LRBA: variants seen among roughly 807,000 people sequenced by gnomAD.
LRBA encodes lipopolysaccharide-responsive and beige-like anchor protein.
A neutral mutation model predicts 330.0 loss-of-function variants in LRBA; 176 were observed. That is an observed-to-expected ratio of 0.53 (90% confidence interval 0.47 to 0.60). LRBA has a LOEUF of 0.60. Among genes scored for constraint, LRBA ranks in the 20% least tolerant of loss-of-function variants. LRBA has a pLI of 0.00. For missense variants in LRBA, 3,259 were observed against 3,444.8 expected (o/e 0.95, Z 1.35); for synonymous variants, 1,230 against 1,193.0 (o/e 1.03, Z -0.64).
intron 33 of LRBA, among the ~76,000 whole-genome samples, chr4:150,803,985 T>C (rs537803851): frequency 6.6e-6 from 1 of 152,242 alleles, no homozygotes; most frequent in South Asian, 2.1e-4. Context: ...CTTGCAATAC[T>C]GAGAGGCTGT....
At chr4:150,396,584 A>G (rs1202578216) in intron 47 of LRBA, among the ~76,000 whole-genome samples, 1 of 152,122 alleles carries the variant, frequency 6.6e-6, no homozygotes, top group Non-Finnish European at 1.5e-5. Context: ...AAAATTAACC[A>G]TAATAGTAGT....
intron 22 of LRBA, among the ~76,000 whole-genome samples, chr4:150,856,922 T>C (rs1315024511): frequency 2.0e-5 from 3 of 152,150 alleles, no homozygotes; most frequent in East Asian, 3.8e-4. Flanking sequence ...TTCAACTTAA[T>C]TGGCACTCAA....
At chr4:150,282,208 CCTCTT>C (rs1441266186) in intron 55 of LRBA, among the ~76,000 whole-genome samples, 1 of 152,230 alleles carries the variant, frequency 6.6e-6, no homozygotes, top group East Asian at 1.9e-4. Context: ...CCTAAGAAAA[CCTCTT>C]CTATTGAAGG....
intron 40 of LRBA, among the ~76,000 whole-genome samples, chr4:150,493,347 T>C (rs758077688): frequency 6.6e-6 from 1 of 152,196 alleles, no homozygotes; most frequent in Non-Finnish European, 1.5e-5. Flanking sequence ...AATACTAGAA[T>C]CTAAGTTCTG....
chr4:150,806,838 T>C lies in LRBA; in HGVS notation c.5385-434A>G, dbSNP rs186660107. Among the ~76,000 whole-genome samples the C allele has an allele frequency of 1.4e-3, 207 of 152,124 alleles. 4 individuals carry two copies. The highest frequency in any genetic ancestry group is 0.013 in the Admixed American group (203 of 15,282). On this transcript the variant is annotated intron_variant, in intron 32 of 56. Coordinates refer to ENST00000651943, the MANE Select transcript of LRBA (RefSeq NM_001364905.1). ...GCATATAGTATAGACTCAACAGACG[T>C]TGAGTGCTTATAAATTATAAAAAGC...
intron 42 of LRBA, among the ~76,000 whole-genome samples, chr4:150,483,815 C>T (rs569134987): frequency 6.6e-6 from 1 of 152,174 alleles, no homozygotes; most frequent in East Asian, 1.9e-4. Context: ...TTCTCCAAAA[C>T]AGTTTTATAG....
chr4:150,526,638 A>T lies in LRBA; in HGVS notation c.6331-35603T>A, dbSNP rs139324264. On this transcript the variant is annotated intron_variant, in intron 40 of 56. Coordinates refer to ENST00000651943, the MANE Select transcript of LRBA (RefSeq NM_001364905.1). ...ACTAGTATAATGAAACCTTTATATT[A>T]ATCTATGAAACAATTTCAATAATTA... Among the ~76,000 whole-genome samples the T allele has an allele frequency of 5.9e-4, 90 of 152,312 alleles. 1 individual carries two copies. Among genetic ancestry groups the T allele is most frequent in the Non-Finnish European group, 1.1e-3 (75 of 67,998 alleles).
intron 40 of LRBA, among the ~76,000 whole-genome samples, chr4:150,552,554 G>A (rs1252703250): frequency 3.9e-5 from 6 of 152,130 alleles, no homozygotes; most frequent in South Asian, 2.1e-4. Flanking sequence ...TGGTGGGAGT[G>A]TGAACTAGTT....
chr4:150,517,370 A>T (rs1762460405), intron 40 of LRBA, among the ~76,000 whole-genome samples: 1 of 152,060 alleles, frequency 6.6e-6, no homozygotes, highest in Non-Finnish European at 1.5e-5. Flanking sequence ...AAAATACAAA[A>T]ATTAGCCAGG....
chr4:150,832,216 G>T lies in LRBA; in HGVS notation c.4570-240C>A, dbSNP rs191945721. On this transcript the variant is annotated intron_variant, in intron 28 of 56. Transcript: ENST00000651943. ...ACTTGCAAAACATGGAAAGAGAGAA[G>T]TTAGCTCATTTTTTTAAATTATTCA... Among the ~76,000 whole-genome samples, 497 of 152,008 alleles carry T rather than the reference G, an allele frequency of 3.3e-3. 2 individuals carry two copies. The highest frequency in any genetic ancestry group is 4.8e-3 in the Non-Finnish European group (327 of 67,952).
At position 150,752,073 on chromosome 4, in the gene LRBA, T is replaced by A. The variant is rs144140035; in HGVS notation, c.5645+9710A>T. Among the ~76,000 whole-genome samples, 633 of 152,308 alleles carry A rather than the reference T, an allele frequency of 4.2e-3. 4 individuals carry two copies. Among genetic ancestry groups the A allele is most frequent in the African/African-American group, 0.014 (570 of 41,586 alleles). Reference sequence around the variant, plus strand: ...AGAATGTGGAAATAATGTTCCTGAATTGGCAATCCTTCTAAATATAGTAAT... The same window carrying A: ...AGAATGTGGAAATAATGTTCCTGAAATGGCAATCCTTCTAAATATAGTAAT... On this transcript the variant is annotated intron_variant, in intron 35 of 56. Transcript: ENST00000651943.
At chr4:150,958,586 T>C (rs570867376) in intron 2 of LRBA, among the ~76,000 whole-genome samples, 1 of 149,498 alleles carries the variant, frequency 6.7e-6, no homozygotes, top group African/African-American at 2.6e-5. Flanking sequence ...CTTGAATTTC[T>C]CCTCAGAAAA....
intron 49 of LRBA, among the ~76,000 whole-genome samples, chr4:150,322,607 T>A (rs185034283): frequency 3.9e-5 from 6 of 152,326 alleles, no homozygotes; most frequent in African/African-American, 1.4e-4. Flanking sequence ...TCAGTCCTTT[T>A]AAAAAAGTTA....
chr4:150,438,474 G>C (rs1466126948), intron 44 of LRBA, among the ~76,000 whole-genome samples: 1 of 152,032 alleles, frequency 6.6e-6, no homozygotes, highest in Non-Finnish European at 1.5e-5. Flanking sequence ...GATGGAGAGA[G>C]TCCCTGTCCT....
intron 32 of LRBA, among the ~76,000 whole-genome samples, chr4:150,807,057 T>C (rs900214918): frequency 8.6e-5 from 13 of 150,854 alleles, no homozygotes; most frequent in African/African-American, 2.7e-4. Flanking sequence ...TTTGTGATTA[T>C]ATATACATGT....
chr4:150,310,156 A>G (rs1730869280), intron 52 of LRBA, 73 bp downstream of exon 52: 1 of 1,001,594 alleles, frequency 1.0e-6, no homozygotes, highest in Non-Finnish European at 1.5e-6. Flanking sequence ...GGAAGCAGAT[A>G]AGAATGCATC....
At chr4:150,839,686 A>T (rs1481480058) in intron 28 of LRBA, among the ~76,000 whole-genome samples, 2 of 152,190 alleles carry the variant, frequency 1.3e-5, no homozygotes, top group Admixed American at 6.5e-5. Context: ...GAATTGAACA[A>T]TGAGAACACT....
chr4:150,372,598 TC>T (rs1253635543), intron 47 of LRBA, among the ~76,000 whole-genome samples: 2 of 139,450 alleles, frequency 1.4e-5, no homozygotes, highest in East Asian at 4.1e-4. Context: ...AGAAAAAAAA[TC>T]CAAAAGATCT....
In LRBA at chr4:150,588,171, C is replaced by A; in HGVS notation, c.6207G>T (p.Leu2069=). 1 of 1,592,790 alleles carries A rather than the reference C, an allele frequency of 6.3e-7. No individual in the cohort carries two copies. Among genetic ancestry groups the A allele is most frequent in the Non-Finnish European group, 8.5e-7 (1 of 1,173,086 alleles). ...DLENLAGPVS[L]STPAQLVAPS... is the part of the protein sequence containing the mutation. ...GGGCCACAAGCTGAGCTGGTGTGCT[C>A]AGGCTAACAGGACCTGCCAAAAGGA... The change falls in exon 40 of 57, where the codon CTG becomes CTT. Residue 2069 remains leucine, a synonymous_variant. Coordinates refer to ENST00000651943, the MANE Select transcript of LRBA (RefSeq NM_001364905.1).
Sources: allele counts gnomAD v4.1 joint callset (sites outside exome capture counted in the v4.1 genomes callset), GRCh38; gene constraint gnomAD v4.1.1; transcripts MANE v1.5; gene names NCBI Gene and HGNC (gene_info 2026-07-23, HGNC 2026-07-21).